Variants in SPATA3 observed in about 807,000 individuals in gnomAD.
The protein encoded by SPATA3 is spermatogenesis-associated protein 3.
SPATA3 carries 6 observed loss-of-function variants against 5.7 expected under a neutral mutation model. That is an observed-to-expected ratio of 1.06 (90% CI 0.58 to 2.09). The LOEUF (loss-of-function observed/expected upper bound fraction) is 2.09, where lower values mean the gene tolerates loss of function less well. Ranked by LOEUF, SPATA3 falls within the 30% of genes most tolerant of loss-of-function variation. The pLI, the probability that SPATA3 is intolerant of heterozygous loss-of-function variation, is 0.00. For synonymous variants in SPATA3, 44 were observed against 48.4 expected (o/e 0.91, Z 0.37); for missense variants, 155 against 130.4 (o/e 1.19, Z -0.92).
At chr2:231,005,511 C>A (rs771448958), downstream of SPATA3, among the ~76,000 whole-genome samples, 1 of 1,008 alleles carries the variant, frequency 9.9e-4, no homozygotes, top group Admixed American at 9.1e-3. Flanking sequence ...ATCACCACCA[C>A]CACCATCACC....
At chr2:231,017,741 A>G (rs1189799460) in intron 6 of SPATA3, among the ~76,000 whole-genome samples, 3 of 152,246 alleles carry the variant, frequency 2.0e-5, no homozygotes. Context: ...GGGGCTGCAG[A>G]CACAGGATAG....
chr2:231,011,998 C>T (rs1692800971), downstream of SPATA3, among the ~76,000 whole-genome samples: 1 of 152,204 alleles, frequency 6.6e-6, no homozygotes, highest in African/African-American at 2.4e-5. Flanking sequence ...TTGCCAATGT[C>T]CCAAGATGCA....
intron 6 of SPATA3, among the ~76,000 whole-genome samples, chr2:231,019,160 G>T (rs576685148): frequency 1.3e-5 from 2 of 150,814 alleles, no homozygotes; most frequent in Non-Finnish European, 1.5e-5. Flanking sequence ...TAGTAGAGAC[G>T]GGGTTTCACC....
downstream of SPATA3, among the ~76,000 whole-genome samples, chr2:231,008,654 G>A (rs1332302573): frequency 2.0e-5 from 3 of 152,220 alleles, no homozygotes; most frequent in East Asian, 3.8e-4. Flanking sequence ...AGACATGGTG[G>A]AAGGGACTGG....
downstream of SPATA3, among the ~76,000 whole-genome samples, chr2:231,005,319 T>TCAC (rs1692548031): frequency 1.4e-4 from 2 of 14,420 alleles, no homozygotes; most frequent in African/African-American, 1.9e-4. Flanking sequence ...ACCACCATCA[T>TCAC]CATCACCATC....
chr2:231,003,126 C>A (rs984760355), downstream of SPATA3, among the ~76,000 whole-genome samples: 2 of 152,194 alleles, frequency 1.3e-5, no homozygotes, highest in Non-Finnish European at 2.9e-5. Context: ...TTTCTTGGAA[C>A]TTTCTCCCTG....
chr2:230,998,392 G>A (rs142788218), intron 1 of SPATA3, among the ~76,000 whole-genome samples: 32 of 152,296 alleles, frequency 2.1e-4, no homozygotes, highest in African/African-American at 7.5e-4. Context: ...CTTCAGAACT[G>A]GCATCTTCAG....
chr2:230,996,645 G>A, intron 1 of SPATA3, 111 bp downstream of exon 1: 3 of 1,348,726 alleles, frequency 2.2e-6, no homozygotes, highest in Non-Finnish European at 3.0e-6. Context: ...GTGTATCCTG[G>A]AGCTGTGCTG....
intron 6 of SPATA3, among the ~76,000 whole-genome samples, chr2:231,016,529 A>C (rs1338377700): frequency 1.4e-5 from 2 of 145,728 alleles, no homozygotes; most frequent in Non-Finnish European, 3.1e-5. Context: ...AAAAAAGAAG[A>C]AGAAGGTTAG....
intron 6 of SPATA3, among the ~76,000 whole-genome samples, chr2:231,017,187 G>A (rs958953629): frequency 7.9e-5 from 12 of 152,180 alleles, no homozygotes; most frequent in African/African-American, 2.7e-4. Flanking sequence ...AGCTCCATCT[G>A]GCTTAGACAA....
At chr2:230,999,013 A>C (rs1044209964) in intron 1 of SPATA3, among the ~76,000 whole-genome samples, 4 of 152,244 alleles carry the variant, frequency 2.6e-5, no homozygotes, top group African/African-American at 9.6e-5. Context: ...ATGAATGGAT[A>C]AACAAAATGT....
rs141859692 is a variant in SPATA3, at chr2:230,998,594, A to T, written c.791-1772A>T. ...CTCTGCGTAGAAAGGAATGTTGGAG[A>T]TGAAGGATGAGGGCCTGCAAGTAAA... On this transcript the variant is annotated intron_variant, in intron 1 of 2. Coordinates refer to ENST00000645363, the Ensembl canonical transcript of SPATA3. Among the ~76,000 whole-genome samples the T allele has an allele frequency of 4.4e-3, 669 of 152,336 alleles. 8 individuals are homozygous for T. Among genetic ancestry groups the T allele is most frequent in the African/African-American group, 0.015 (623 of 41,580 alleles).
chr2:231,005,020 C>A (rs562349216), downstream of SPATA3, among the ~76,000 whole-genome samples: 83 of 135,384 alleles, frequency 6.1e-4, no homozygotes, highest in African/African-American at 2.3e-3. Flanking sequence ...CCATCATCAC[C>A]ATCACCATCA....
intron 4 of SPATA3, among the ~76,000 whole-genome samples, chr2:231,012,378 C>A (rs1486475689): frequency 6.6e-6 from 1 of 152,192 alleles, no homozygotes; most frequent in African/African-American, 2.4e-5. Flanking sequence ...GCTCACCTTT[C>A]GAGAATGAGT....
chr2:231,012,933 A>T (rs1386819470), intron 5 of SPATA3, among the ~76,000 whole-genome samples: 1 of 152,036 alleles, frequency 6.6e-6, no homozygotes, highest in Non-Finnish European at 1.5e-5. Flanking sequence ...CAAAACCACA[A>T]CCCTGGGGCA....
At chr2:231,008,465 C>T (rs1449854903), downstream of SPATA3, among the ~76,000 whole-genome samples, 1 of 152,166 alleles carries the variant, frequency 6.6e-6, no homozygotes, top group Non-Finnish European at 1.5e-5. Context: ...GCAGGGCAGC[C>T]ACTGGGAAGG....
At chr2:230,997,836 T>C (rs1315166308) in intron 1 of SPATA3, among the ~76,000 whole-genome samples, 1 of 152,230 alleles carries the variant, frequency 6.6e-6, no homozygotes, top group African/African-American at 2.4e-5. Flanking sequence ...TCACTAAGCA[T>C]TTACTGTGTA....
chr2:231,003,379 T>C (rs1023078033), downstream of SPATA3, among the ~76,000 whole-genome samples: 2 of 151,760 alleles, frequency 1.3e-5, no homozygotes, highest in African/African-American at 4.8e-5. Flanking sequence ...TCTTCCCTCA[T>C]CCCTGGAAGC....
chr2:231,017,794 T>C (rs945298248), intron 6 of SPATA3, among the ~76,000 whole-genome samples: 12 of 152,174 alleles, frequency 7.9e-5, no homozygotes, highest in African/African-American at 2.2e-4. Flanking sequence ...GAATCTGTAG[T>C]AGAAATCTAC....
Sources: allele counts gnomAD v4.1 joint callset (sites outside exome capture counted in the v4.1 genomes callset), GRCh38; gene constraint gnomAD v4.1.1; transcripts MANE v1.5; gene names NCBI Gene and HGNC (gene_info 2026-07-23, HGNC 2026-07-21).